The following STARD9 variants were observed in gnomAD, a reference collection of about 807,000 sequenced individuals.
STARD9 encodes stAR-related lipid transfer protein 9.
STARD9 carries 346 observed loss-of-function variants against 399.8 expected under a neutral mutation model. The observed-to-expected ratio is 0.87, with a 90% CI of 0.79 to 0.95. The LOEUF (loss-of-function observed/expected upper bound fraction) is 0.95, where lower values mean the gene tolerates loss of function less well. Ranked by LOEUF, STARD9 falls within the 40% of genes least tolerant of loss-of-function variation. STARD9 has a pLI of 0.00. For synonymous variants in STARD9, 2,203 were observed against 2,143.5 expected, an observed-to-expected ratio of 1.03 and a Z score of -0.77; for missense variants, 5,832 against 5,667.5, an observed-to-expected ratio of 1.03 and a Z score of -0.93.
chr15:42,693,270 T>C lies in STARD9; in HGVS notation c.11692T>C (p.Ser3898Pro), dbSNP rs1406469150. The change falls in exon 23 of 33, where the codon TCC (serine) becomes CCC (proline). Residue 3898 changes from serine (S) to proline (P), a missense_variant. Ser to Pro is a moderately conservative substitution (Grantham distance 74). Coordinates refer to ENST00000290607, the MANE Select transcript of STARD9 (RefSeq NM_020759.3). ...PTSALFVDRA[S>P]SPILTLSAST... ...AAGTGCTTTGTTCGTGGACAGGGCC[T>C]CCTCCCCAATCCTCACTCTTAGTGC... 6.5e-7 allele frequency: 1 copy of C among 1,536,902 alleles called. No individual in the cohort carries two copies. The highest frequency in any genetic ancestry group is 2.4e-5 in the East Asian group (1 of 40,914).
In STARD9 at chr15:42,693,172, A is replaced by C; in HGVS notation, c.11594A>C (p.His3865Pro). 4 of 1,537,010 alleles carry C rather than the reference A, an allele frequency of 2.6e-6. No homozygotes were observed. Among genetic ancestry groups the C allele is most frequent in the Non-Finnish European group, 3.5e-6 (4 of 1,146,872 alleles). ...AGCAGTCCCAGTCCCAGCTCCCCTC[A>C]TTCCCCAGGGCTCTTTCCCAGTACT... is the stretch of plus-strand genomic sequence containing the variant. ...VVSSPSPSSP[H>P]SPGLFPSTSE... Residue 3865 changes from histidine (H) to proline (P), a missense_variant, in exon 23 of 33, where the codon CAT (histidine) becomes CCT (proline). Physicochemically the swap from His to Pro is moderately conservative, Grantham distance 77. Transcript: ENST00000290607.
rs1365618870 is a variant in STARD9 at position 42,719,613 on chromosome 15, C to G, written c.*39C>G. On this transcript the variant is annotated 3_prime_UTR_variant, in exon 33 of 33. Coordinates refer to ENST00000290607, the MANE Select transcript of STARD9 (RefSeq NM_020759.3). ...AGATGGTGCTGCTGAGATGCAGGCC[C>G]AGGCTGCTCAAGAGAGACACTGTGG... is the stretch of plus-strand genomic sequence containing the variant. 1 of 1,325,150 alleles carries G rather than the reference C, an allele frequency of 7.5e-7. No individual in the cohort carries two copies. Among genetic ancestry groups the G allele is most frequent in the South Asian group, 1.3e-5 (1 of 79,378 alleles). The allele number at this position is 1,325,150 out of a possible 1,614,324, so 82.1% of individuals were successfully genotyped here.
At chr15:42,602,339 A>G (rs895119722) in intron 3 of STARD9, among the ~76,000 whole-genome samples, 1 of 152,158 alleles carries the variant, frequency 6.6e-6, no homozygotes, top group Non-Finnish European at 1.5e-5. Flanking sequence ...ATACCTGGCT[A>G]AGGTATGGTA....
Position 42,687,713 on chromosome 15 carries a change from T to G in STARD9, c.6135T>G (p.Asp2045Glu). The G allele has an allele frequency of 6.5e-7, 1 of 1,537,492 alleles. No individual in the cohort carries two copies. Among genetic ancestry groups the G allele is most frequent in the Non-Finnish European group, 8.7e-7 (1 of 1,146,960 alleles). The change falls in exon 23 of 33, where the codon GAT becomes GAG. Residue 2045 changes from aspartate (D) to glutamate (E), a missense_variant. By Grantham distance (45) the Asp-to-Glu change is conservative (BLOSUM62 2). Around this residue, in one of 2 missense-constraint regions of STARD9, gnomAD observed 5,828 missense variants for 5,651.1 expected, o/e 1.03. Transcript: ENST00000290607. Reference protein sequence around the residue: ...KKQNKRVNNTDEMARLIRSVM... With the variant: ...KKQNKRVNNTEEMARLIRSVM... Reference sequence around the variant, plus strand: ...AGAATAAAAGAGTTAATAATACTGATGAAATGGCTAGGCTAATTAGGAGTG... The same window carrying G: ...AGAATAAAAGAGTTAATAATACTGAGGAAATGGCTAGGCTAATTAGGAGTG...
In STARD9 at chr15:42,690,688, C is replaced by G; in HGVS notation, c.9110C>G (p.Thr3037Arg). 1 of 1,537,228 alleles carries G rather than the reference C, an allele frequency of 6.5e-7. No individual in the cohort carries two copies. The highest frequency in any genetic ancestry group is 8.7e-7 in the Non-Finnish European group (1 of 1,146,904). Residue 3037 changes from threonine (T) to arginine (R), a missense_variant, in exon 23 of 33, where the codon ACA (threonine) becomes AGA (arginine). Physicochemically the swap from Thr to Arg is moderately conservative, Grantham distance 71. This residue lies in a region of STARD9 where 5,828 missense variants were observed against 5,651.1 expected (regional missense o/e 1.03). Coordinates refer to ENST00000290607, the MANE Select transcript of STARD9 (RefSeq NM_020759.3). ...GATGTTAACAGGGAATTTAGGCTAA[C>G]AGAGAGCAGCACTTGTGAGCCTTCT... Reference protein sequence around the residue: ...PKDVNREFRLTESSTCEPSTV... With the variant: ...PKDVNREFRLRESSTCEPSTV...
At position 42,690,750 on chromosome 15, in the gene STARD9, A is replaced by G; in HGVS notation, c.9172A>G (p.Arg3058Gly). ...TGTCCTATCTCGAGCTCAAGGCTGC[A>G]GATCCCCTTCTGCTCCTGACGTGAG... is the stretch of plus-strand genomic sequence containing the variant. ...AAVLSRAQGC[R>G]SPSAPDVRTG... Residue 3058 changes from arginine to glycine, a missense_variant, in exon 23 of 33, where the codon AGA (arginine) becomes GGA (glycine). Coordinates refer to ENST00000290607, the MANE Select transcript of STARD9 (RefSeq NM_020759.3). 6.5e-7 allele frequency: 1 copy of G among 1,537,278 alleles called. No homozygotes were observed.
rs776231341 is a variant in STARD9, at chr15:42,691,518, G to C, written c.9940G>C (p.Gly3314Arg). Residue 3314 changes from glycine (G) to arginine (R), a missense_variant, in exon 23 of 33, where the codon GGC becomes CGC. Transcript: ENST00000290607. ...GSLPVTTIFS[G>R]PKHSRSSPTP... ...ACTTCCTGTGACTACAATCTTCTCTGGCCCCAAACACTCCAGGTCCTCCCC... is the reference window on the plus strand; with the variant it reads ...ACTTCCTGTGACTACAATCTTCTCTCGCCCCAAACACTCCAGGTCCTCCCC... 6.5e-7 allele frequency: 1 copy of C among 1,537,192 alleles called. No individual in the cohort carries two copies. The highest frequency in any genetic ancestry group is 1.2e-5 in the South Asian group (1 of 84,056).
chr15:42,650,021 C>G (rs1321606839), intron 7 of STARD9, among the ~76,000 whole-genome samples: 6 of 151,912 alleles, frequency 3.9e-5, no homozygotes, highest in Non-Finnish European at 7.4e-5. Flanking sequence ...CATGCACCAA[C>G]ACACCCAGCT....
At chr15:42,593,457 C>A (rs529350871) in intron 3 of STARD9, among the ~76,000 whole-genome samples, 4 of 152,062 alleles carry the variant, frequency 2.6e-5, no homozygotes, top group African/African-American at 7.2e-5. Context: ...AAAAGCTAAC[C>A]GCTCTTCATG....
At chr15:42,645,216 C>T (rs2059623461) in intron 7 of STARD9, among the ~76,000 whole-genome samples, 1 of 152,150 alleles carries the variant, frequency 6.6e-6, no homozygotes, top group Non-Finnish European at 1.5e-5. Flanking sequence ...TAGACTTTGC[C>T]CAGATCCATC....
chr15:42,595,134 A>G (rs1443300114), intron 3 of STARD9, among the ~76,000 whole-genome samples: 1 of 152,144 alleles, frequency 6.6e-6, no homozygotes, highest in Non-Finnish European at 1.5e-5. Context: ...AAGGTGGAAG[A>G]ATGACTGAAA....
intron 7 of STARD9, among the ~76,000 whole-genome samples, chr15:42,641,987 T>C (rs2059548025): frequency 1.3e-5 from 2 of 152,300 alleles, no homozygotes; most frequent in East Asian, 1.9e-4. Flanking sequence ...CACACTGAAC[T>C]ATGTTATTCT....
chr15:42,660,066 A>G (rs560614367), intron 9 of STARD9, among the ~76,000 whole-genome samples: 1 of 152,360 alleles, frequency 6.6e-6, no homozygotes, highest in South Asian at 2.1e-4. Flanking sequence ...TAACATGGAT[A>G]AATCTCAAAA....
intron 3 of STARD9, among the ~76,000 whole-genome samples, chr15:42,608,431 A>G (rs757630526): frequency 2.0e-5 from 3 of 152,112 alleles, no homozygotes; most frequent in African/African-American, 4.8e-5. Context: ...TGAAACCGGA[A>G]TTGTCTCAGA....
At chr15:42,649,724 T>C (rs2059718924) in intron 7 of STARD9, among the ~76,000 whole-genome samples, 2 of 151,896 alleles carry the variant, frequency 1.3e-5, no homozygotes, top group African/African-American at 4.8e-5. Context: ...CATGTCCAGC[T>C]AATTTTTTGT....
Position 42,687,560 on chromosome 15 carries a change from T to A in STARD9, c.5982T>A (p.Phe1994Leu). ...GLRPKDSSEE[F>L]KLPGTKPAYE... is the part of the protein sequence containing the mutation. ...GTCCCAAAGATAGCTCAGAAGAGTT[T>A]AAGCTTCCAGGTACAAAGCCTGCAT... is the stretch of plus-strand genomic sequence containing the variant. The change falls in exon 23 of 33, where the codon TTT becomes TTA. Residue 1994 changes from phenylalanine to leucine, a missense_variant. Coordinates refer to ENST00000290607, the MANE Select transcript of STARD9 (RefSeq NM_020759.3). 1 of 1,537,040 alleles carries A rather than the reference T, an allele frequency of 6.5e-7. No homozygotes were observed.
At position 42,575,616 on chromosome 15, in the gene STARD9, G is replaced by C; in HGVS notation, c.-100G>C. On this transcript the variant is annotated 5_prime_UTR_variant, in exon 1 of 33. Transcript: ENST00000290607. ...CGCGGCGGCGTCCCCAGAGGCGCGT[G>C]GGGCGGGCGGGGCTGGGTTGGGGCT... 1.5e-6 allele frequency: 2 copies of C among 1,330,634 alleles called. No homozygotes were observed. Among genetic ancestry groups the C allele is most frequent in the Non-Finnish European group, 2.0e-6 (2 of 978,334 alleles). The allele number at this position is 1,330,634 out of a possible 1,614,324, so 82.4% of individuals were successfully genotyped here. A position where few individuals can be genotyped will look rare whatever the true frequency, so the allele number is the denominator to read the frequency against.
intron 9 of STARD9, among the ~76,000 whole-genome samples, chr15:42,659,844 T>C (rs2059959124): frequency 6.6e-6 from 1 of 152,158 alleles, no homozygotes; most frequent in Non-Finnish European, 1.5e-5. Flanking sequence ...TTAAAATGTA[T>C]ACCTACCATA....
At position 42,675,688 on chromosome 15, in the gene STARD9, C is replaced by T; in HGVS notation, c.1712C>T (p.Ala571Val). 6.5e-7 allele frequency: 1 copy of T among 1,537,176 alleles called. No homozygotes were observed. The highest frequency in any genetic ancestry group is 8.7e-7 in the Non-Finnish European group (1 of 1,146,850). The change falls in exon 19 of 33, where the codon GCA (alanine) becomes GTA (valine). Residue 571 changes from alanine (A) to valine (V), a missense_variant. Physicochemically the swap from Ala to Val is moderately conservative, Grantham distance 64 (BLOSUM62 0). This residue lies in a region of STARD9 where 5,828 missense variants were observed against 5,651.1 expected (regional missense o/e 1.03). Transcript: ENST00000290607. ...GGAGCTGTCATAACCCTGGGGAAGG[C>T]ACAGAAGTTCCGATTCAACCACCCA... is the stretch of plus-strand genomic sequence containing the variant. ...TQGAVITLGK[A>V]QKFRFNHPAE...
Sources: allele counts gnomAD v4.1 joint callset (sites outside exome capture counted in the v4.1 genomes callset), GRCh38; gene constraint gnomAD v4.1.1; regional missense constraint gnomAD v4.1.1; transcripts MANE v1.5; gene names NCBI Gene and HGNC (gene_info 2026-07-23, HGNC 2026-07-21).